NDUFB2: variants seen among roughly 807,000 people sequenced by gnomAD.
NDUFB2 encodes NADH:ubiquinone oxidoreductase subunit B2, also known as NADH dehydrogenase [ubiquinone] 1 beta subcomplex subunit 2, mitochondrial.
Under a neutral mutation model 13.4 loss-of-function variants are expected in NDUFB2, and 13 were observed. That is an observed-to-expected ratio of 0.97 (90% CI 0.63 to 1.54). The LOEUF (loss-of-function observed/expected upper bound fraction) is 1.54, where lower values mean the gene tolerates loss of function less well. Among genes scored for constraint, NDUFB2 ranks in the 40% most tolerant of loss-of-function variants. The pLI, the probability that NDUFB2 is intolerant of heterozygous loss-of-function variation, is 0.00. For synonymous variants in NDUFB2, 47 were observed against 50.6 expected, an observed-to-expected ratio of 0.93 and a Z score of 0.30; for missense variants, 150 against 139.7, an observed-to-expected ratio of 1.07 and a Z score of -0.37.
chr7:140,698,257 A>G (rs1794845596), intron 1 of NDUFB2: 1 of 1,351,550 alleles, frequency 7.4e-7, no homozygotes, highest in African/African-American at 1.5e-5. Context: ...GGGAATGCCG[A>G]TCTTCCCTGA....
chr7:140,704,836 T>G (rs979085279), intron 2 of NDUFB2, 24 bp from the exon 3 acceptor site: 2 of 1,518,796 alleles, frequency 1.3e-6, no homozygotes, highest in Non-Finnish European at 1.8e-6. Context: ...TTGACTTTTC[T>G]TTCTTTTAAA....
intron 1 of NDUFB2, chr7:140,698,079 T>C (rs1794841773): frequency 1.5e-6 from 2 of 1,335,764 alleles, no homozygotes; most frequent in Non-Finnish European, 2.0e-6. Flanking sequence ...ATTAAGGAAC[T>C]GAGGCCCAGG....
chr7:140,702,194 G>A, intron 1 of NDUFB2: 1 of 572,050 alleles, frequency 1.7e-6, no homozygotes, highest in Non-Finnish European at 3.1e-6. Flanking sequence ...ATATATGGCT[G>A]ATGAATAGGT....
At chr7:140,698,199 T>G in intron 1 of NDUFB2, 1 of 1,351,914 alleles carries the variant, frequency 7.4e-7, no homozygotes, top group Non-Finnish European at 9.8e-7. Context: ...GCAAAGACAG[T>G]GATGGAGAGC....
At chr7:140,698,956 G>A (rs1360762567) in intron 1 of NDUFB2, among the ~76,000 whole-genome samples, 5 of 151,958 alleles carry the variant, frequency 3.3e-5, no homozygotes, top group Admixed American at 6.6e-5. Flanking sequence ...TCAGGAGTTC[G>A]AGACCAGCCT....
intron 2 of NDUFB2, among the ~76,000 whole-genome samples, chr7:140,703,884 T>G (rs961710640): frequency 2.6e-5 from 4 of 152,128 alleles, no homozygotes; most frequent in African/African-American, 9.7e-5. Flanking sequence ...GCCTCCCAAG[T>G]AGCTGGGACT....
At chr7:140,705,503 G>A (rs1181059555) in intron 3 of NDUFB2, 1 of 151,980 alleles carries the variant, frequency 6.6e-6, no homozygotes, top group Non-Finnish European at 1.5e-5. Flanking sequence ...TAGAGACAGG[G>A]TGTCACTATG....
chr7:140,697,485 C>T (rs941642958), intron 1 of NDUFB2: 2 of 692,708 alleles, frequency 2.9e-6, no homozygotes, highest in Admixed American at 2.0e-5. Context: ...GCCCGAGACG[C>T]AGACCGGAGG....
rs1208827933 is a variant in NDUFB2, at chr7:140,702,934, T to C, written c.167T>C (p.Phe56Ser). The C allele has an allele frequency of 3.1e-6, 5 of 1,614,092 alleles. No homozygotes were observed. Among genetic ancestry groups the C allele is most frequent in the Non-Finnish European group, 4.2e-6 (5 of 1,180,006 alleles). Residue 56 changes from phenylalanine to serine, a missense_variant, in exon 2 of 4, where the codon TTC becomes TCC. Transcript: ENST00000247866. Reference sequence around the variant, plus strand: ...CCCCAGCTGACCAGATCCCAGGTGTTCCAGAGCGAGTTCTTCAGCGGACTC... The same window carrying C: ...CCCCAGCTGACCAGATCCCAGGTGTCCCAGAGCGAGTTCTTCAGCGGACTC... ...QFPQLTRSQV[F>S]QSEFFSGLMW... is the part of the protein sequence containing the mutation.
At chr7:140,701,546 T>C (rs1284437737) in intron 1 of NDUFB2, among the ~76,000 whole-genome samples, 2 of 152,108 alleles carry the variant, frequency 1.3e-5, no homozygotes, top group Non-Finnish European at 2.9e-5. Flanking sequence ...GAGGATTGCT[T>C]GAGCCCAGGA....
chr7:140,700,861 T>C (rs529860452), intron 1 of NDUFB2: 1 of 152,218 alleles, frequency 6.6e-6, no homozygotes, highest in East Asian at 1.9e-4. Flanking sequence ...GTAATATCTA[T>C]ATGCACAGCT....
chr7:140,702,585 A>G, intron 1 of NDUFB2: 2 of 370,030 alleles, frequency 5.4e-6, no homozygotes, highest in South Asian at 1.1e-4. Context: ...TGGGGCTAGC[A>G]CCCCAGAATC....
intron 1 of NDUFB2, chr7:140,698,096 A>T: frequency 7.4e-7 from 1 of 1,347,566 alleles, no homozygotes. Context: ...CAGGAAATGA[A>T]AGGAGTGACT....
intron 1 of NDUFB2, chr7:140,697,320 C>G (rs769456238): frequency 1.4e-6 from 1 of 702,882 alleles, no homozygotes; most frequent in South Asian, 1.5e-5. Context: ...CGTCACGTGG[C>G]CGCTTTTTAA....
intron 2 of NDUFB2, among the ~76,000 whole-genome samples, chr7:140,703,785 T>G (rs1252086975): frequency 6.6e-6 from 1 of 152,166 alleles, no homozygotes; most frequent in Non-Finnish European, 1.5e-5. Flanking sequence ...AGATGGAGTC[T>G]CACTCTGTCA....
At chr7:140,701,887 G>T in intron 1 of NDUFB2, 2 of 520,910 alleles carry the variant, frequency 3.8e-6, no homozygotes, top group Non-Finnish European at 6.9e-6. Context: ...AGTGAGCCAA[G>T]ATTGTTCCAT....
At position 140,705,631 on chromosome 7, in the gene NDUFB2, T is replaced by A. The variant is rs573141398; in HGVS notation, c.*29+668T>A. 9 of 152,102 alleles carry A rather than the reference T, an allele frequency of 5.9e-5. No individual in the cohort carries two copies. In the South Asian group the frequency reaches 1.0e-3, roughly 18 times the overall value. 9.4% of individuals were successfully genotyped at this position (152,102 alleles called of 1,614,324 possible). On this transcript the variant is annotated intron_variant, in intron 3 of 3. Coordinates refer to ENST00000247866, the MANE Select transcript of NDUFB2 (RefSeq NM_004546.3). ...TGGCCCATTGTATAATAAAAAAAAATTTTTTTCCTAAGTTAGGTTATAATT... is the reference window on the plus strand; with the variant it reads ...TGGCCCATTGTATAATAAAAAAAAAATTTTTTCCTAAGTTAGGTTATAATT...
intron 3 of NDUFB2, chr7:140,706,225 G>A (rs1232329598): frequency 6.6e-6 from 1 of 151,918 alleles, no homozygotes; most frequent in Non-Finnish European, 1.5e-5. Flanking sequence ...TCAGTAGCTG[G>A]GACTACTACT....
intron 2 of NDUFB2, among the ~76,000 whole-genome samples, chr7:140,704,579 C>T (rs1299070581): frequency 2.0e-5 from 3 of 152,148 alleles, no homozygotes; most frequent in Non-Finnish European, 2.9e-5. Flanking sequence ...AAACCTATTG[C>T]CTCCACTTCC....
Sources: gnomAD v4.1 joint callset for allele counts (sites outside exome capture counted in the v4.1 genomes callset) on GRCh38, gnomAD v4.1.1 for gene constraint, MANE v1.5 for transcripts, NCBI Gene and HGNC (gene_info 2026-07-23, HGNC 2026-07-21) for gene names.